Variants in ALPK3 observed in about 807,000 individuals in gnomAD.
The protein encoded by ALPK3 is alpha kinase 3.
Under a neutral mutation model 140.0 loss-of-function variants are expected in ALPK3, and 102 were observed. That is an observed-to-expected ratio of 0.73 (90% CI 0.62 to 0.86). The LOEUF is 0.86. Ranked by LOEUF, ALPK3 falls within the 40% of genes least tolerant of loss-of-function variation. The pLI, the probability that ALPK3 is intolerant of heterozygous loss-of-function variation, is 0.00. For synonymous variants in ALPK3, 938 were observed against 898.5 expected, an observed-to-expected ratio of 1.04 and a Z score of -0.79; for missense variants, 2,254 against 2,208.2, an observed-to-expected ratio of 1.02 and a Z score of -0.42.
Position 84,838,968 on chromosome 15 carries a change from C to A in ALPK3, c.305-12C>A. ...GGCCTTGCTGTAACCCAGTCTCCTG[C>A]TTCTTTCTCAGGATACCCAGAGCCA... On this transcript the variant is annotated splice_polypyrimidine_tract_variant and intron_variant, in intron 3 of 13. Coordinates refer to ENST00000258888, the MANE Select transcript of ALPK3 (RefSeq NM_020778.5). The A allele has an allele frequency of 6.2e-7, 1 of 1,610,712 alleles. No homozygotes were observed. Among genetic ancestry groups the A allele is most frequent in the Non-Finnish European group, 8.5e-7 (1 of 1,176,942 alleles).
intron 9 of ALPK3, 78 bp from the exon 10 acceptor site, chr15:84,862,557 G>C: frequency 6.6e-7 from 1 of 1,507,672 alleles, no homozygotes; most frequent in Non-Finnish European, 8.9e-7. Flanking sequence ...GGCTCTTCTG[G>C]CCTTTTCCTT....
chr15:84,847,237 GAGAGAGAGAGA>G, intron 5 of ALPK3, among the ~76,000 whole-genome samples: 2 of 151,092 alleles, frequency 1.3e-5, no homozygotes, highest in Non-Finnish European at 3.0e-5. Context: ...GAGAGAGAGA[GAGAGAGAGAGA>G]GGAATCAGAA....
Position 84,868,422 on chromosome 15 carries a change from A to T in ALPK3, c.5084A>T (p.Gln1695Leu), listed in dbSNP as rs1261770507. The change falls in exon 14 of 14, where the codon CAA becomes CTA. Residue 1695 changes from glutamine (Q) to leucine (L), a missense_variant. Physicochemically the swap from Gln to Leu is moderately radical, Grantham distance 113. Around this residue, in one of 3 missense-constraint regions of ALPK3, gnomAD observed 158 missense variants for 159.8 expected, o/e 0.99. Coordinates refer to ENST00000258888, the MANE Select transcript of ALPK3 (RefSeq NM_020778.5). The stretch of plus-strand genomic sequence containing the variant: ...CAGTTGTTGGGACAGCCTCCCACCC[A>T]AGAGGAGGGCTCCAAGGCCCAGGGC... The part of the protein sequence containing the change: ...TTQLLGQPPT[Q>L]EEGSKAQGMR 1.2e-6 allele frequency: 2 copies of T among 1,611,350 alleles called. No individual in the cohort carries two copies. Among genetic ancestry groups the T allele is most frequent in the Non-Finnish European group, 1.7e-6 (2 of 1,179,990 alleles).
chr15:84,841,109 G>C (rs1244030530), intron 5 of ALPK3, among the ~76,000 whole-genome samples, 177 bp downstream of exon 5: 1 of 152,240 alleles, frequency 6.6e-6, no homozygotes, highest in Non-Finnish European at 1.5e-5. Flanking sequence ...CCAGTTTCCA[G>C]ATGCCAGGCA....
At chr15:84,843,799 A>G (rs1963693982) in intron 5 of ALPK3, among the ~76,000 whole-genome samples, 1 of 152,242 alleles carries the variant, frequency 6.6e-6, no homozygotes. Context: ...GAAGATAGAA[A>G]TTGGCCCACA....
In ALPK3 at chr15:84,842,278, T is replaced by C. The variant is rs559298555; in HGVS notation, c.1653+1346T>C. 7.9e-5 allele frequency among the ~76,000 whole-genome samples: 12 copies of C among 152,326 alleles called. No individual in the cohort carries two copies. In the South Asian group the frequency reaches 2.5e-3, roughly 32 times the overall value. On this transcript the variant is annotated intron_variant, in intron 5 of 13. Transcript: ENST00000258888. ...TGAACTCTTGACCTCAAGTGATCTG[T>C]CCACCTCAGCCTCCCAAAATGTTGG...
rs1255607287 is a variant in ALPK3 at position 84,869,676 on chromosome 15, G to A, written c.*1220G>A. 2.0e-5 allele frequency: 3 copies of A among 152,652 alleles called. No individual in the cohort carries two copies. The highest frequency in any genetic ancestry group is 4.4e-5 in the Non-Finnish European group (3 of 68,076). The allele number at this position is 152,652 out of a possible 1,614,324, so 9.5% of individuals were successfully genotyped here. ...ATCCTTCCAGAGCATCCCTCCTGGA[G>A]GCCTGGGATGGGGTAGGTCTGCAGC... On this transcript the variant is annotated 3_prime_UTR_variant, in exon 14 of 14. Transcript: ENST00000258888.
chr15:84,868,320 T>C lies in ALPK3; in HGVS notation c.4982T>C (p.Leu1661Pro), dbSNP rs1187222682. ...AGTCCTCAGCCCCAGAAGAAAGGCC[T>C]CCCTAGTCCTCAGGGCACCCGGAAG... Reference protein sequence around the residue: ...QLSPQPQKKGLPSPQGTRKSA... With the variant: ...QLSPQPQKKGPPSPQGTRKSA... Residue 1661 changes from leucine to proline, a missense_variant, in exon 14 of 14, where the codon CTC becomes CCC. Physicochemically the swap from Leu to Pro is moderately conservative, Grantham distance 98. Coordinates refer to ENST00000258888, the MANE Select transcript of ALPK3 (RefSeq NM_020778.5). 1 of 1,614,036 alleles carries C rather than the reference T, an allele frequency of 6.2e-7. No individual in the cohort carries two copies. Among genetic ancestry groups the C allele is most frequent in the Admixed American group, 1.7e-5 (1 of 60,006 alleles).
chr15:84,855,971 A>C (rs1028481570), intron 5 of ALPK3, among the ~76,000 whole-genome samples: 1 of 152,074 alleles, frequency 6.6e-6, no homozygotes, highest in Admixed American at 6.5e-5. Flanking sequence ...CTCTCACTTC[A>C]CCCATAATTC....
intron 5 of ALPK3, among the ~76,000 whole-genome samples, chr15:84,842,271 T>C (rs1167141892): frequency 1.3e-5 from 2 of 152,360 alleles, no homozygotes; most frequent in African/African-American, 4.8e-5. Flanking sequence ...TGACCTCAAG[T>C]GATCTGTCCA....
At chr15:84,863,973 C>G (rs572167277) in intron 11 of ALPK3, among the ~76,000 whole-genome samples, 1 of 152,296 alleles carries the variant, frequency 6.6e-6, no homozygotes, top group East Asian at 1.9e-4. Flanking sequence ...GCAGACTGAT[C>G]AGGACACTTC....
chr15:84,830,820 C>T (rs1024817755), intron 3 of ALPK3, among the ~76,000 whole-genome samples: 1 of 152,124 alleles, frequency 6.6e-6, no homozygotes, highest in African/African-American at 2.4e-5. Context: ...GCCTCAGCCT[C>T]CTGAGTAGCT....
rs894790202 is a variant in ALPK3 at position 84,872,481 on chromosome 15, G to A, written c.*4025G>A. ...TCGCCTGCTCTAGGCCCACCCCAAA[G>A]CTGGCAGTCTTCTAGGTCAGTTGGT... On this transcript the variant is annotated 3_prime_UTR_variant, in exon 14 of 14. Coordinates refer to ENST00000258888, the MANE Select transcript of ALPK3 (RefSeq NM_020778.5). 6.6e-6 allele frequency: 1 copy of A among 152,236 alleles called. No homozygotes were observed. Among genetic ancestry groups the A allele is most frequent in the Non-Finnish European group, 1.5e-5 (1 of 68,054 alleles). 9.4% of individuals were successfully genotyped at this position (152,236 alleles called of 1,614,324 possible). A position where few individuals can be genotyped will look rare whatever the true frequency, so the allele number is the denominator to read the frequency against.
At chr15:84,837,670 G>T (rs1280656867) in intron 3 of ALPK3, among the ~76,000 whole-genome samples, 1 of 152,230 alleles carries the variant, frequency 6.6e-6, no homozygotes, top group East Asian at 1.9e-4. Context: ...GGATTCATTG[G>T]TAAGTCCAGA....
chr15:84,862,620 C>G lies in ALPK3; in HGVS notation c.4130-15C>G, dbSNP rs1567095277. On this transcript the variant is annotated splice_polypyrimidine_tract_variant and intron_variant, in intron 9 of 13. Transcript: ENST00000258888. Reference sequence around the variant, plus strand: ...GGAGCTCCTGGTCTCCCACATTTCTCCTGTTCCCCTTCAGTTGGAGAAGAG... The same window carrying G: ...GGAGCTCCTGGTCTCCCACATTTCTGCTGTTCCCCTTCAGTTGGAGAAGAG... 1.3e-6 allele frequency: 2 copies of G among 1,591,626 alleles called. No individual in the cohort carries two copies.
In ALPK3 at chr15:84,873,428, ATG is replaced by A. The variant is rs754110792; in HGVS notation, c.*4974_*4975del. ...CTGGCGATTTGAGCTTTTACGTAGAATGTAGAATCTCTGGTGAGTGAACATAT... is the reference window on the plus strand; with the variant it reads ...CTGGCGATTTGAGCTTTTACGTAGAATAGAATCTCTGGTGAGTGAACATAT... On this transcript the variant is annotated 3_prime_UTR_variant, in exon 14 of 14. Transcript: ENST00000258888. The A allele has an allele frequency of 9.2e-5, 14 of 152,336 alleles. No homozygotes were observed. The highest frequency in any genetic ancestry group is 4.6e-4 in the Admixed American group (7 of 15,304). 9.4% of individuals were successfully genotyped at this position (152,336 alleles called of 1,614,324 possible).
intron 1 of ALPK3, among the ~76,000 whole-genome samples, chr15:84,818,007 G>A (rs1316072680): frequency 6.6e-6 from 1 of 152,214 alleles, no homozygotes; most frequent in African/African-American, 2.4e-5. Context: ...ACAGGGAGAG[G>A]GTGCTGGGGG....
chr15:84,870,956 CA>C lies in ALPK3; in HGVS notation c.*2501del, dbSNP rs959174256. ...TCTCTCTGCTTAGGGAATTCAAGAT[CA>C]TATCTAACTTCGAATTCCAGGGGTA... On this transcript the variant is annotated 3_prime_UTR_variant, in exon 14 of 14. Transcript: ENST00000258888. 3.9e-5 allele frequency: 6 copies of C among 152,358 alleles called. No homozygotes were observed. The highest frequency in any genetic ancestry group is 1.4e-4 in the African/African-American group (6 of 41,444). 9.4% of individuals were successfully genotyped at this position (152,358 alleles called of 1,614,324 possible).
At position 84,870,871 on chromosome 15, in the gene ALPK3, C is replaced by G. The variant is rs935940736; in HGVS notation, c.*2415C>G. On this transcript the variant is annotated 3_prime_UTR_variant, in exon 14 of 14. Coordinates refer to ENST00000258888, the MANE Select transcript of ALPK3 (RefSeq NM_020778.5). ...GTAAACCCTGAAGATGCTTCTAACA[C>G]ACGTGCTGTTCTCCCATCTCACGTA... 2 of 152,196 alleles carry G rather than the reference C, an allele frequency of 1.3e-5. No homozygotes were observed. Among genetic ancestry groups the G allele is most frequent in the Non-Finnish European group, 2.9e-5 (2 of 68,032 alleles). The allele number at this position is 152,196 out of a possible 1,614,324, so 9.4% of individuals were successfully genotyped here. A position where few individuals can be genotyped will look rare whatever the true frequency, so the allele number is the denominator to read the frequency against.
Sources: gnomAD v4.1 joint callset for allele counts (sites outside exome capture counted in the v4.1 genomes callset) on GRCh38, gnomAD v4.1.1 for gene constraint, gnomAD v4.1.1 regional missense constraint, MANE v1.5 for transcripts, NCBI Gene and HGNC (gene_info 2026-07-23, HGNC 2026-07-21) for gene names.